Variants in CHD5 observed in about 807,000 individuals in gnomAD.
CHD5 encodes the protein chromodomain helicase DNA binding protein 5.
A neutral mutation model predicts 230.3 loss-of-function variants in CHD5; 69 were observed. That is an observed-to-expected ratio of 0.30 (90% CI 0.25 to 0.37). The LOEUF is 0.37. Among genes scored for constraint, CHD5 ranks in the 10% least tolerant of loss-of-function variants. The pLI is 1.00. For missense variants in CHD5, 1,827 were observed against 2,622.8 expected, an observed-to-expected ratio of 0.70 and a Z score of 6.63; for synonymous variants, 1,064 against 1,065.9, an observed-to-expected ratio of 1.00 and a Z score of 0.03.
intron 33 of CHD5, among the ~76,000 whole-genome samples, chr1:6,120,834 C>T (rs1666457472): frequency 1.3e-5 from 2 of 151,886 alleles, no homozygotes; most frequent in African/African-American, 4.8e-5. Context: ...ACCCGGGAGG[C>T]GGATGTTGCA....
At chr1:6,149,221 A>T (rs750010206) in intron 8 of CHD5, 25 bp downstream of exon 8, 14 of 1,549,136 alleles carry the variant, frequency 9.0e-6, no homozygotes, top group African/African-American at 1.4e-5. Context: ...CCCCGCCCCC[A>T]GCCCGGGGCT....
At position 6,178,658 on chromosome 1, in the gene CHD5, G is replaced by A. The variant is rs540579653; in HGVS notation, c.79+1287C>T. The stretch of plus-strand genomic sequence containing the variant: ...CTCCCCTATTCCCCGTCCCCAGCAC[G>A]CTCGCTGCCAACTTGGCCTGTCTAA... On this transcript the variant is annotated intron_variant, in intron 1 of 41. Transcript: ENST00000262450. Among the ~76,000 whole-genome samples the A allele has an allele frequency of 2.0e-5, 3 of 152,206 alleles. No homozygotes were observed. The East Asian group carries it at 5.8e-4, about 30-fold the overall frequency.
chr1:6,174,549 T>C (rs564119250), intron 1 of CHD5, among the ~76,000 whole-genome samples: 2 of 138,764 alleles, frequency 1.4e-5, no homozygotes, highest in Non-Finnish European at 3.1e-5. Context: ...GGCAGATGGA[T>C]GGACACTGGA....
chr1:6,142,737 TC>T lies in CHD5; in HGVS notation c.2044-133del. 1 of 1,033,632 alleles carries T rather than the reference TC, an allele frequency of 9.7e-7. No homozygotes were observed. Among genetic ancestry groups the T allele is most frequent in the Non-Finnish European group, 1.4e-6 (1 of 733,894 alleles). 64.0% of individuals were successfully genotyped at this position (1,033,632 alleles called of 1,614,324 possible). ...CTCCTGTCTGTCTTCCTAACTCTTC[TC>T]CAGTTCTTGGATGGAACACCTCTTC... On this transcript the variant is annotated intron_variant, in intron 13 of 41. Coordinates refer to ENST00000262450, the MANE Select transcript of CHD5 (RefSeq NM_015557.3). The surrounding 1 kb of genome is among the most constrained non-coding windows in gnomAD (Gnocchi z 5.2).
intron 15 of CHD5, among the ~76,000 whole-genome samples, chr1:6,138,190 A>T (rs1399524289): frequency 6.6e-6 from 1 of 152,256 alleles, no homozygotes; most frequent in East Asian, 1.9e-4. Flanking sequence ...AGCCTGGCCA[A>T]CATAGCCAAA....
intron 38 of CHD5, among the ~76,000 whole-genome samples, chr1:6,108,475 G>A (rs749132310): frequency 7.0e-6 from 1 of 142,578 alleles, no homozygotes; most frequent in Non-Finnish European, 1.5e-5. Context: ...AGGATGGAGG[G>A]AGAATGGAAG....
rs1041432128 is a variant in CHD5, at chr1:6,167,225, TG to T, written c.207+924del. Among the ~76,000 whole-genome samples, 22 of 152,234 alleles carry T rather than the reference TG, an allele frequency of 1.4e-4. No individual in the cohort carries two copies. Among genetic ancestry groups the T allele is most frequent in the African/African-American group, 5.3e-4 (22 of 41,498 alleles). On this transcript the variant is annotated intron_variant, in intron 2 of 41. Transcript: ENST00000262450. This position sits in a 1 kb window ranked among gnomAD's most constrained non-coding sequence, Gnocchi z 4.5. ...GCAGGTGGGAGGGGAGAAACACTCC[TG>T]GCAGCGGTGGCTGGTGGAGCTGACA...
Position 6,125,030 on chromosome 1 carries a change from C to T in CHD5, c.4394+70G>A, listed in dbSNP as rs566939266. The T allele has an allele frequency of 1.3e-5, 18 of 1,414,330 alleles. No homozygotes were observed. In the South Asian group the frequency reaches 2.6e-4, roughly 21 times the overall value. 87.6% of individuals were successfully genotyped at this position (1,414,330 alleles called of 1,614,324 possible). A position where few individuals can be genotyped will look rare whatever the true frequency, so the allele number is the denominator to read the frequency against. ...GAAGCAAATGCTGCCCTCTGTGGGGCTCACCCGCAGGACCCTGCCCTACTC... is the reference window on the plus strand; with the variant it reads ...GAAGCAAATGCTGCCCTCTGTGGGGTTCACCCGCAGGACCCTGCCCTACTC... On this transcript the variant is annotated intron_variant, in intron 29 of 41. Coordinates refer to ENST00000262450, the MANE Select transcript of CHD5 (RefSeq NM_015557.3). The surrounding 1 kb of genome is among the most constrained non-coding windows in gnomAD (Gnocchi z 6.7).
At chr1:6,107,008 G>A (rs1471409651) in intron 38 of CHD5, among the ~76,000 whole-genome samples, 1 of 142,200 alleles carries the variant, frequency 7.0e-6, no homozygotes, top group Admixed American at 6.9e-5. Context: ...GGATGATGGA[G>A]GGATGATGGA....
At chr1:6,120,983 T>A (rs1294205652) in intron 33 of CHD5, 122 bp downstream of exon 33, 1 of 1,171,798 alleles carries the variant, frequency 8.5e-7, no homozygotes, top group Non-Finnish European at 1.1e-6. Flanking sequence ...CTGCAGAGGG[T>A]TGGAGTCTAC....
Position 6,148,934 on chromosome 1 carries a change from G to A in CHD5, c.1303C>T (p.Pro435Ser). The A allele has an allele frequency of 6.3e-7, 1 of 1,594,544 alleles. No individual in the cohort carries two copies. The highest frequency in any genetic ancestry group is 8.5e-7 in the Non-Finnish European group (1 of 1,170,474). ...AGGCAATGCAGGTGGTAGGAGGAGG[G>A]GCAGGCGTCGCAGCAGAGCAGCTCG... The part of the protein sequence containing the change: ...GGELLCCDAC[P>S]SSYHLHCLNP... Residue 435 changes from proline to serine, a missense_variant, in exon 9 of 42, where the codon CCC becomes TCC. Coordinates refer to ENST00000262450, the MANE Select transcript of CHD5 (RefSeq NM_015557.3).
chr1:6,145,935 C>T (rs968449709), intron 11 of CHD5, among the ~76,000 whole-genome samples: 1 of 152,210 alleles, frequency 6.6e-6, no homozygotes, highest in Non-Finnish European at 1.5e-5. Context: ...GTATCAAGCA[C>T]TAACCCAGCA....
At chr1:6,163,617 G>A (rs1667210206) in intron 2 of CHD5, among the ~76,000 whole-genome samples, 1 of 152,218 alleles carries the variant, frequency 6.6e-6, no homozygotes, top group African/African-American at 2.4e-5. Context: ...GACCTGGAGG[G>A]ACGGAGCATC....
chr1:6,109,750 G>A (rs1030876558), intron 38 of CHD5, 45 bp downstream of exon 38: 16 of 1,544,368 alleles, frequency 1.0e-5, no homozygotes, highest in Non-Finnish European at 1.3e-5. Flanking sequence ...CGCTGGGCAG[G>A]AGGAAGGGCG....
In CHD5 at chr1:6,129,952, G is replaced by A. The variant is rs772315123; in HGVS notation, c.3387+252C>T. Among the ~76,000 whole-genome samples the A allele has an allele frequency of 1.7e-4, 26 of 152,284 alleles. No individual in the cohort carries two copies. Among genetic ancestry groups the A allele is most frequent in the African/African-American group, 5.3e-4 (22 of 41,562 alleles). The stretch of plus-strand genomic sequence containing the variant: ...CAGTGGCCACTAGGAACTGCTGTGC[G>A]CCCTGGGACACTTCCCCTGCCCTCT... On this transcript the variant is annotated intron_variant, in intron 22 of 41. Transcript: ENST00000262450. This position sits in a 1 kb window ranked among gnomAD's most constrained non-coding sequence, Gnocchi z 6.8.
chr1:6,170,358 C>T (rs938394187), intron 1 of CHD5, among the ~76,000 whole-genome samples: 1 of 152,166 alleles, frequency 6.6e-6, no homozygotes, highest in African/African-American at 2.4e-5. Context: ...GGGCTCCTAC[C>T]CTGGGTCTCT....
chr1:6,174,379 A>T (rs1438847209), intron 1 of CHD5, among the ~76,000 whole-genome samples: 1 of 152,226 alleles, frequency 6.6e-6, no homozygotes, highest in East Asian at 1.9e-4. Flanking sequence ...TGGACGGATA[A>T]TTGTATAGTG....
At position 6,111,836 on chromosome 1, in the gene CHD5, C is replaced by T; in HGVS notation, c.5188G>A (p.Gly1730Arg). ...QNEERAAVSS[G>R]KIYDIWHRRH... ...CGGTGCCAGATGTCGTAGATTTTCC[C>T]AGAGGATACAGCAGCCCGCTCCTCG... Residue 1730 changes from glycine to arginine, a missense_variant, in exon 36 of 42, where the codon GGG (glycine) becomes AGG (arginine). Gly to Arg is a moderately radical substitution (Grantham distance 125). Transcript: ENST00000262450. The T allele has an allele frequency of 6.2e-7, 1 of 1,613,460 alleles. No individual in the cohort carries two copies. Among genetic ancestry groups the T allele is most frequent in the Non-Finnish European group, 8.5e-7 (1 of 1,180,018 alleles).
Position 6,128,124 on chromosome 1 carries a change from G to C in CHD5, c.3825C>G (p.Asp1275Glu). 26 of 1,614,092 alleles carry C rather than the reference G, an allele frequency of 1.6e-5. No individual in the cohort carries two copies. The highest frequency in any genetic ancestry group is 2.2e-5 in the Non-Finnish European group (26 of 1,179,986). ...LLDRNQDATD[D>E]TELQNMNEYL... Reference sequence around the variant, plus strand: ...ACTCGTTCATGTTCTGTAGCTCCGTGTCATCTGTAGCGTCCTGGTTCCGGT... The same window carrying C: ...ACTCGTTCATGTTCTGTAGCTCCGTCTCATCTGTAGCGTCCTGGTTCCGGT... The change falls in exon 25 of 42, where the codon GAC becomes GAG. Residue 1275 changes from aspartate to glutamate, a missense_variant. By Grantham distance (45) the Asp-to-Glu change is conservative. Coordinates refer to ENST00000262450, the MANE Select transcript of CHD5 (RefSeq NM_015557.3). The surrounding 1 kb of genome is among the most constrained non-coding windows in gnomAD (Gnocchi z 7.8).
Sources: gnomAD v4.1 joint callset for allele counts (sites outside exome capture counted in the v4.1 genomes callset) on GRCh38, gnomAD v4.1.1 for gene constraint, Gnocchi (gnomAD v3.1) non-coding constraint, MANE v1.5 for transcripts, NCBI Gene and HGNC (gene_info 2026-07-23, HGNC 2026-07-21) for gene names.